Variants in HMGCLL1 observed in about 807,000 individuals in gnomAD.
HMGCLL1 encodes the protein 3-hydroxymethyl-3-methylglutaryl-CoA lyase, cytoplasmic.
A neutral mutation model predicts 39.1 loss-of-function variants in HMGCLL1; 36 were observed. The ratio of observed to expected loss-of-function variants is 0.92; its 90% CI spans 0.71 to 1.22. The LOEUF is 1.22. Among genes scored for constraint, HMGCLL1 ranks in the 50% most tolerant of loss-of-function variants. The pLI is 0.00. For synonymous variants in HMGCLL1, 149 were observed against 144.0 expected (o/e 1.03, Z -0.25); for missense variants, 451 against 416.5 (o/e 1.08, Z -0.72).
the HMGCLL1 span, among the ~76,000 whole-genome samples, chr6:55,657,876 AG>A: frequency 6.6e-6 from 1 of 151,892 alleles, no homozygotes; most frequent in Admixed American, 6.6e-5. Context: ...ATGGACACAT[AG>A]GGGGAACAAA....
intron 5 of HMGCLL1, among the ~76,000 whole-genome samples, chr6:55,504,790 C>T (rs146981670): frequency 1.5e-4 from 23 of 151,704 alleles, no homozygotes; most frequent in East Asian, 1.2e-3. Context: ...TACACAAATA[C>T]GTTAGTTAAA....
the HMGCLL1 span, among the ~76,000 whole-genome samples, chr6:55,635,958 T>A: frequency 6.6e-6 from 1 of 152,108 alleles, no homozygotes; most frequent in Non-Finnish European, 1.5e-5. Flanking sequence ...TCGCCCACCC[T>A]CTGACCCAGA....
At chr6:55,603,027 C>A in the HMGCLL1 span, among the ~76,000 whole-genome samples, 1 of 151,916 alleles carries the variant, frequency 6.6e-6, no homozygotes, top group African/African-American at 2.4e-5. Flanking sequence ...TTCCAGAGAC[C>A]AAACTGAGAA....
upstream of HMGCLL1, among the ~76,000 whole-genome samples, chr6:55,580,474 G>A (rs1048271039): frequency 1.1e-4 from 14 of 132,960 alleles, no homozygotes; most frequent in Non-Finnish European, 1.9e-4. Flanking sequence ...GGAGTGCAGT[G>A]GCGCGATGTC....
chr6:55,533,787 G>A (rs1768834846), intron 3 of HMGCLL1, among the ~76,000 whole-genome samples: 1 of 146,394 alleles, frequency 6.8e-6, no homozygotes, highest in Non-Finnish European at 1.5e-5. Context: ...TCGGGAGGCT[G>A]AGGCAGGAGA....
intron 3 of HMGCLL1, among the ~76,000 whole-genome samples, chr6:55,533,945 C>CTTTGATGA (rs1768853912): frequency 6.7e-6 from 1 of 149,992 alleles, no homozygotes; most frequent in African/African-American, 2.4e-5. Flanking sequence ...AGAGTTAGGA[C>CTTTGATGA]TTTGATGAAC....
intron 7 of HMGCLL1, among the ~76,000 whole-genome samples, chr6:55,448,761 T>A (rs1021769933): frequency 1.3e-5 from 2 of 152,156 alleles, no homozygotes; most frequent in African/African-American, 4.8e-5. Context: ...CCAGTGCTCC[T>A]GAAACTGTAA....
the HMGCLL1 span, among the ~76,000 whole-genome samples, chr6:55,634,353 T>A: frequency 1.3e-5 from 2 of 151,814 alleles, no homozygotes; most frequent in Non-Finnish European, 2.9e-5. Flanking sequence ...GAAAGAAAGA[T>A]CTGAAAAAGC....
At position 55,537,349 on chromosome 6, in the gene HMGCLL1, T is replaced by A. The variant is rs9296794; in HGVS notation, c.297+4380A>T. Reference sequence around the variant, plus strand: ...TGATTTATTTAAACCACTTAAAAAATTGGAATGTATATAACTAGATGAATA... The same window carrying A: ...TGATTTATTTAAACCACTTAAAAAAATGGAATGTATATAACTAGATGAATA... On this transcript the variant is annotated intron_variant, in intron 3 of 8. Coordinates refer to ENST00000274901, the MANE Select transcript of HMGCLL1 (RefSeq NM_001042406.2). Among the ~76,000 whole-genome samples, 7 of 152,182 alleles carry A rather than the reference T, an allele frequency of 4.6e-5. No homozygotes were observed. In the East Asian group the frequency reaches 1.4e-3, roughly 29 times the overall value.
the HMGCLL1 span, among the ~76,000 whole-genome samples, chr6:55,610,521 A>G: frequency 1.3e-5 from 2 of 152,164 alleles, no homozygotes. Context: ...GCCTTTGAGA[A>G]CTACGGGACT....
At chr6:55,624,298 A>G in the HMGCLL1 span, among the ~76,000 whole-genome samples, 2 of 152,130 alleles carry the variant, frequency 1.3e-5, no homozygotes, top group Non-Finnish European at 2.9e-5. Flanking sequence ...CATGAGTTTA[A>G]CCAAGTGGTG....
chr6:55,599,858 G>T, the HMGCLL1 span, among the ~76,000 whole-genome samples: 6 of 152,144 alleles, frequency 3.9e-5, no homozygotes, highest in African/African-American at 1.4e-4. Flanking sequence ...TATACATTTG[G>T]TGAATGTTTG....
the HMGCLL1 span, among the ~76,000 whole-genome samples, chr6:55,611,141 A>C: frequency 1.3e-5 from 2 of 152,194 alleles, no homozygotes; most frequent in Non-Finnish European, 2.9e-5. Flanking sequence ...GAAATTGAAC[A>C]ACCTGCTTTT....
chr6:55,587,076 G>A, the HMGCLL1 span, among the ~76,000 whole-genome samples: 3 of 151,780 alleles, frequency 2.0e-5, no homozygotes, highest in Admixed American at 2.0e-4. Flanking sequence ...TGACTTTAAG[G>A]ATCGCCATTC....
At chr6:55,540,869 T>A (rs1581920508) in intron 3 of HMGCLL1, among the ~76,000 whole-genome samples, 1 of 152,000 alleles carries the variant, frequency 6.6e-6, no homozygotes, top group Admixed American at 6.6e-5. Context: ...GAAGAGAGGA[T>A]AGGCAGAGAA....
intron 3 of HMGCLL1, among the ~76,000 whole-genome samples, chr6:55,540,087 T>A (rs544139857): frequency 6.7e-6 from 1 of 148,668 alleles, no homozygotes; most frequent in South Asian, 2.2e-4. Flanking sequence ...AAGGAAAATA[T>A]GACTTTGTGA....
At chr6:55,525,187 G>A (rs74645831) in intron 3 of HMGCLL1, among the ~76,000 whole-genome samples, 17,901 of 131,290 alleles carry the variant, frequency 0.14, 1,102 homozygotes, top group South Asian at 0.23. Context: ...GACACCCACC[G>A]GGATATGGAA....
intron 7 of HMGCLL1, among the ~76,000 whole-genome samples, chr6:55,446,316 T>C (rs1317797252): frequency 1.3e-5 from 2 of 148,350 alleles, no homozygotes; most frequent in African/African-American, 2.4e-5. Context: ...AATATATAAA[T>C]ATATTTTTAT....
At chr6:55,543,688 T>C (rs1185295730) in intron 1 of HMGCLL1, among the ~76,000 whole-genome samples, 1 of 149,004 alleles carries the variant, frequency 6.7e-6, no homozygotes, top group Non-Finnish European at 1.5e-5. Context: ...ACCTCATCTC[T>C]CTTAAAAAAA....
Sources: allele counts gnomAD v4.1 joint callset (sites outside exome capture counted in the v4.1 genomes callset), GRCh38; gene constraint gnomAD v4.1.1; transcripts MANE v1.5; gene names NCBI Gene and HGNC (gene_info 2026-07-23, HGNC 2026-07-21).